Variants in NXF3 observed in about 807,000 individuals in gnomAD.
The protein encoded by NXF3 is TAP-like protein 3.
In NXF3, 34 loss-of-function variants were observed where a neutral mutation model predicts 48.4. That is an observed-to-expected ratio of 0.70 (90% CI 0.53 to 0.93). The LOEUF is 0.93. NXF3 is among the 40% of genes least tolerant of loss of function. The pLI, the probability that NXF3 is intolerant of heterozygous loss-of-function variation, is 0.00. For synonymous variants in NXF3, 132 were observed against 145.7 expected (o/e 0.91, Z 0.68); for missense variants, 359 against 406.1 (o/e 0.88, Z 1.00).
chrX:103,087,158 A>G (rs2147596829), intron 1 of NXF3: 1 of 540,115 alleles, frequency 1.9e-6, no homozygotes, highest in Non-Finnish European at 3.0e-6. Flanking sequence ...CTGGTGTAGG[A>G]ACGCTATGGA....
chrX:103,086,241 T>G (rs112499021), intron 1 of NXF3, among the ~76,000 whole-genome samples: 55 of 98,504 alleles, frequency 5.6e-4, no homozygotes, highest in Non-Finnish European at 6.0e-4. Flanking sequence ...TAACACCATC[T>G]CTACTAAAAA....
chrX:103,091,369 A>C (rs760485513), intron 1 of NXF3, among the ~76,000 whole-genome samples: 3 of 112,614 alleles, frequency 2.7e-5, no homozygotes, highest in Admixed American at 9.4e-5. Flanking sequence ...AACCAATTGC[A>C]GATCAAAAAT....
rs781781513 is a variant in NXF3 at position 103,082,151 on chromosome X, G to A, written c.890+104C>T. 9 of 560,699 alleles carry A rather than the reference G, an allele frequency of 1.6e-5. No individual in the cohort carries two copies. The South Asian group carries it at 1.9e-4, about 12-fold the overall frequency. The allele number at this position is 560,699 out of a possible 1,213,427, so 46.2% of individuals were successfully genotyped here. ...AGAGGAGTGGGGCGAGGGGGAAGGA[G>A]AGGGTCTGTGGTCCTCCCAGAAGAC... On this transcript the variant is annotated intron_variant, in intron 9 of 19. Transcript: ENST00000395065.
chrX:103,090,511 C>A (rs1357825429), intron 1 of NXF3, among the ~76,000 whole-genome samples: 1 of 111,952 alleles, frequency 8.9e-6, no homozygotes, highest in Non-Finnish European at 1.9e-5. Flanking sequence ...TCAGGAATGA[C>A]ATTTTCTAGC....
chrX:103,092,464 T>A (rs1294427824), intron 1 of NXF3, among the ~76,000 whole-genome samples: 18 of 112,622 alleles, frequency 1.6e-4, no homozygotes, highest in Non-Finnish European at 3.2e-4. Context: ...AGAGAAATAG[T>A]TAAAACCACT....
intron 1 of NXF3, among the ~76,000 whole-genome samples, chrX:103,092,609 T>C (rs776113640): frequency 1.8e-5 from 2 of 112,934 alleles, no homozygotes; most frequent in South Asian, 3.6e-4. Context: ...ACAGAAAACC[T>C]TCACATGGAA....
rs762882250 is a variant in NXF3 at position 103,079,794 on chromosome X, T to G, written c.1129A>C (p.Ser377Arg). 5.0e-6 allele frequency: 6 copies of G among 1,209,063 alleles called. No homozygotes were observed. Among genetic ancestry groups the G allele is most frequent in the Non-Finnish European group, 4.5e-6 (4 of 894,911 alleles). Residue 377 changes from serine (S) to arginine (R), a missense_variant, in exon 13 of 20, where the codon AGC becomes CGC. Transcript: ENST00000395065. Reference sequence around the variant, plus strand: ...GAGTCCTCAGGATTGAAGGGAATGCTCAGGGAGAAGCAGGCCTCATCGTGG... The same window carrying G: ...GAGTCCTCAGGATTGAAGGGAATGCGCAGGGAGAAGCAGGCCTCATCGTGG... ...AYHDEACFSL[S>R]IPFNPEDSAP...
At chrX:103,082,904 G>A in intron 7 of NXF3, 56 bp from the exon 8 acceptor site, 1 of 1,131,933 alleles carries the variant, frequency 8.8e-7, no homozygotes, top group East Asian at 3.0e-5. Context: ...GCCTGGTACA[G>A]CATCAGCACT....
At chrX:103,085,466 C>T (rs758100136) in intron 1 of NXF3, among the ~76,000 whole-genome samples, 1 of 111,814 alleles carries the variant, frequency 8.9e-6, no homozygotes, top group Non-Finnish European at 1.9e-5. Flanking sequence ...GCTATTATGG[C>T]TCAAGGGTCA....
intron 1 of NXF3, chrX:103,087,259 C>A: frequency 9.6e-7 from 1 of 1,042,081 alleles, no homozygotes; most frequent in Non-Finnish European, 1.3e-6. Context: ...CAACAAAGTA[C>A]CTAGAAACAG....
intron 3 of NXF3, among the ~76,000 whole-genome samples, chrX:103,084,089 C>A (rs944995150): frequency 9.0e-6 from 1 of 111,215 alleles, no homozygotes; most frequent in Non-Finnish European, 1.9e-5. Flanking sequence ...TGTGGAGATA[C>A]TCTATCTCCT....
intron 1 of NXF3, among the ~76,000 whole-genome samples, chrX:103,091,728 G>A (rs745718862): frequency 1.5e-3 from 161 of 110,996 alleles, no homozygotes; most frequent in African/African-American, 4.7e-3. Flanking sequence ...GCTCATGCCT[G>A]TAATCCCAGC....
intron 1 of NXF3, among the ~76,000 whole-genome samples, chrX:103,091,321 T>C (rs1276289939): frequency 1.8e-5 from 2 of 112,243 alleles, no homozygotes; most frequent in Non-Finnish European, 3.8e-5. Context: ...AAAACACAGT[T>C]GGTCCTCCGT....
intron 1 of NXF3, among the ~76,000 whole-genome samples, chrX:103,091,406 T>A (rs1231456502): frequency 2.7e-5 from 3 of 112,202 alleles, no homozygotes; most frequent in African/African-American, 9.7e-5. Flanking sequence ...ATAAAAATAA[T>A]ACAAATAAAA....
At chrX:103,089,080 G>A (rs931534748) in intron 1 of NXF3, 8 of 1,043,712 alleles carry the variant, frequency 7.7e-6, no homozygotes, top group Non-Finnish European at 1.1e-5. Flanking sequence ...TTCCTGTACC[G>A]ACGCAGTGTT....
At chrX:103,088,286 T>C (rs1047341286) in intron 1 of NXF3, 5 of 561,705 alleles carry the variant, frequency 8.9e-6, no homozygotes, top group Non-Finnish European at 1.4e-5. Flanking sequence ...AAGAGATTCT[T>C]GAAAAATTGT....
At chrX:103,089,246 A>G (rs747621954) in intron 1 of NXF3, 3 of 547,244 alleles carry the variant, frequency 5.5e-6, no homozygotes, top group Non-Finnish European at 9.4e-6. Flanking sequence ...AACGACCACA[A>G]GAGAAACTGG....
chrX:103,091,539 A>G (rs1203795414), intron 1 of NXF3, among the ~76,000 whole-genome samples: 1 of 101,503 alleles, frequency 9.9e-6, no homozygotes, highest in Non-Finnish European at 2.0e-5. Flanking sequence ...AAGGGACTTG[A>G]GTATACTTGG....
chrX:103,079,173 G>A, intron 16 of NXF3, 48 bp downstream of exon 16: 1 of 1,160,505 alleles, frequency 8.6e-7, no homozygotes. Flanking sequence ...CCCAGCCAGG[G>A]GGAGGGAGGA....
Sources: allele counts gnomAD v4.1 joint callset (sites outside exome capture counted in the v4.1 genomes callset), GRCh38; gene constraint gnomAD v4.1.1; transcripts MANE v1.5; gene names NCBI Gene and HGNC (gene_info 2026-07-23, HGNC 2026-07-21).